Variants in MAGI2 observed in about 807,000 individuals in gnomAD.
MAGI2 encodes the protein membrane associated guanylate kinase, WW and PDZ domain containing 2, also known as membrane-associated guanylate kinase, WW and PDZ domain-containing protein 2.
A neutral mutation model predicts 133.3 loss-of-function variants in MAGI2; 35 were observed. The observed-to-expected ratio is 0.26, with a 90% CI of 0.20 to 0.35. MAGI2 has a LOEUF of 0.35. Ranked by LOEUF, MAGI2 falls within the 10% of genes least tolerant of loss-of-function variation. The pLI is 1.00. For missense variants in MAGI2, 1,636 were observed against 1,863.4 expected (o/e 0.88, Z 2.25); for synonymous variants, 729 against 710.6 (o/e 1.03, Z -0.41).
intron 1 of MAGI2, among the ~76,000 whole-genome samples, chr7:79,311,702 C>G (rs996141160): frequency 6.6e-6 from 1 of 152,022 alleles, no homozygotes; most frequent in Non-Finnish European, 1.5e-5. Context: ...GGTTCATATT[C>G]CCACAGTTAT....
intron 15 of MAGI2, among the ~76,000 whole-genome samples, chr7:78,161,870 G>C (rs1309114750): frequency 6.6e-6 from 1 of 152,096 alleles, no homozygotes; most frequent in East Asian, 1.9e-4. Context: ...GGAAAAGATG[G>C]ATGCTTTTTG....
At chr7:78,562,688 T>A (rs549235293) in intron 3 of MAGI2, among the ~76,000 whole-genome samples, 14 of 152,336 alleles carry the variant, frequency 9.2e-5, no homozygotes, top group Admixed American at 7.8e-4. Context: ...TGAAATCTGA[T>A]AATTGTAAAT....
chr7:78,159,556 A>G (rs771740330), intron 16 of MAGI2, among the ~76,000 whole-genome samples: 12 of 152,062 alleles, frequency 7.9e-5, no homozygotes, highest in Non-Finnish European at 1.3e-4. Flanking sequence ...GGGCTTCTCT[A>G]TATTTCTTGG....
At chr7:78,751,960 G>T (rs1310602792) in intron 2 of MAGI2, among the ~76,000 whole-genome samples, 2 of 152,198 alleles carry the variant, frequency 1.3e-5, no homozygotes, top group African/African-American at 4.8e-5. Flanking sequence ...AGTAGAGGAG[G>T]AAATCCTGTG....
At chr7:79,000,500 C>A (rs1806751261) in intron 2 of MAGI2, among the ~76,000 whole-genome samples, 1 of 152,126 alleles carries the variant, frequency 6.6e-6, no homozygotes, top group Non-Finnish European at 1.5e-5. Context: ...TAATTTTAGA[C>A]ATTTTATTAG....
At chr7:79,137,299 ATTG>A (rs971400638) in intron 1 of MAGI2, among the ~76,000 whole-genome samples, 5 of 151,968 alleles carry the variant, frequency 3.3e-5, no homozygotes, top group African/African-American at 1.2e-4. Context: ...CATAGGATTT[ATTG>A]TTTTCATCAG....
chr7:78,982,521 T>A (rs140878851), intron 2 of MAGI2, among the ~76,000 whole-genome samples: 2,218 of 151,988 alleles, frequency 0.015, 46 homozygotes, highest in African/African-American at 0.051. Flanking sequence ...TAATTTTTTT[T>A]AACAACTGAC....
At chr7:78,044,400 G>T (rs1193302009) in intron 21 of MAGI2, among the ~76,000 whole-genome samples, 1 of 152,226 alleles carries the variant, frequency 6.6e-6, no homozygotes, top group Non-Finnish European at 1.5e-5. Flanking sequence ...TGATAGAGGT[G>T]TAAGGGCCAC....
At chr7:78,104,540 C>T (rs1319659751) in intron 20 of MAGI2, among the ~76,000 whole-genome samples, 1 of 151,968 alleles carries the variant, frequency 6.6e-6, no homozygotes, top group African/African-American at 2.4e-5. Context: ...CTTTAAAAGG[C>T]CTTCTACAGC....
intron 12 of MAGI2, among the ~76,000 whole-genome samples, chr7:78,188,434 T>A (rs1827896245): frequency 6.6e-6 from 1 of 152,160 alleles, no homozygotes; most frequent in Non-Finnish European, 1.5e-5. Context: ...ATAACAATAA[T>A]GCTTTTCCCA....
chr7:78,833,539 G>A (rs1791372576), intron 2 of MAGI2, among the ~76,000 whole-genome samples: 1 of 152,166 alleles, frequency 6.6e-6, no homozygotes, highest in South Asian at 2.1e-4. Context: ...TCCTGCAACA[G>A]TAAAGTTGGA....
intron 1 of MAGI2, among the ~76,000 whole-genome samples, chr7:79,033,419 T>G (rs1420453062): frequency 6.6e-6 from 1 of 152,218 alleles, no homozygotes; most frequent in African/African-American, 2.4e-5. Flanking sequence ...TAATTTTCCT[T>G]AAAATATTTC....
intron 1 of MAGI2, among the ~76,000 whole-genome samples, chr7:79,341,908 A>G (rs1231805433): frequency 6.6e-6 from 1 of 152,154 alleles, no homozygotes; most frequent in African/African-American, 2.4e-5. Context: ...AGAACTGGGT[A>G]ACTTCTTATA....
At chr7:79,406,847 AT>A (rs1316101550) in intron 1 of MAGI2, among the ~76,000 whole-genome samples, 1 of 152,188 alleles carries the variant, frequency 6.6e-6, no homozygotes, top group East Asian at 1.9e-4. Flanking sequence ...GGAAGTTAAA[AT>A]TTAAATCAGT....
At chr7:78,491,959 G>A (rs1213451722) in intron 5 of MAGI2, among the ~76,000 whole-genome samples, 1 of 150,938 alleles carries the variant, frequency 6.6e-6, no homozygotes, top group Non-Finnish European at 1.5e-5. Flanking sequence ...GAAATCTTGG[G>A]AAGTAAGCAA....
intron 10 of MAGI2, among the ~76,000 whole-genome samples, chr7:78,226,050 T>C (rs1789341339): frequency 6.6e-6 from 1 of 152,146 alleles, no homozygotes; most frequent in Non-Finnish European, 1.5e-5. Flanking sequence ...ATTAGAAAAT[T>C]AAAAGAGAAA....
chr7:78,571,967 G>T lies in MAGI2; in HGVS notation c.539-50322C>A, dbSNP rs186373382. Among the ~76,000 whole-genome samples the T allele has an allele frequency of 3.3e-4, 50 of 152,158 alleles. No homozygotes were observed. The East Asian group carries it at 5.6e-3, about 17-fold the overall frequency. On this transcript the variant is annotated intron_variant, in intron 3 of 21. Coordinates refer to ENST00000354212, the MANE Select transcript of MAGI2 (RefSeq NM_012301.4). ...TTCTGATATGGCAAAGTCCTGGCAC[G>T]CAGGACTTACCACTATTTGTCTACT... is the stretch of plus-strand genomic sequence containing the variant.
intron 20 of MAGI2, among the ~76,000 whole-genome samples, chr7:78,113,786 A>G (rs1819593806): frequency 1.3e-5 from 2 of 152,232 alleles, no homozygotes; most frequent in African/African-American, 4.8e-5. Context: ...TTAATAAATA[A>G]CAGTACAGGC....
chr7:79,310,632 G>C (rs1394632856), intron 1 of MAGI2, among the ~76,000 whole-genome samples: 1 of 152,162 alleles, frequency 6.6e-6, no homozygotes, highest in African/African-American at 2.4e-5. Context: ...TAGCAATAAA[G>C]CCGGTGATCT....
Sources: gnomAD v4.1 joint callset for allele counts (sites outside exome capture counted in the v4.1 genomes callset) on GRCh38, gnomAD v4.1.1 for gene constraint, MANE v1.5 for transcripts, NCBI Gene and HGNC (gene_info 2026-07-23, HGNC 2026-07-21) for gene names.